SLC35A3: variants seen among roughly 807,000 people sequenced by gnomAD.
SLC35A3 encodes the protein UDP-N-acetylglucosamine transporter.
In SLC35A3, 26 loss-of-function variants were observed where a neutral mutation model predicts 39.0. The ratio of observed to expected loss-of-function variants is 0.67; its 90% confidence interval spans 0.49 to 0.92. The LOEUF (loss-of-function observed/expected upper bound fraction) is 0.92. Ranked by LOEUF, SLC35A3 falls within the 40% of genes least tolerant of loss-of-function variation. The pLI is 0.00. For missense variants in SLC35A3, 299 were observed against 371.6 expected, an observed-to-expected ratio of 0.80 and a Z score of 1.61; for synonymous variants, 135 against 133.1, an observed-to-expected ratio of 1.01 and a Z score of -0.10.
At chr1:100,010,206 T>C (rs1485381377) in intron 4 of SLC35A3, among the ~76,000 whole-genome samples, 1 of 151,994 alleles carries the variant, frequency 6.6e-6, no homozygotes, top group Non-Finnish European at 1.5e-5. Context: ...ATATAAAGAT[T>C]GGAGGAGAGA....
At chr1:99,979,577 G>T (rs1463924450) in intron 1 of SLC35A3, among the ~76,000 whole-genome samples, 1 of 151,186 alleles carries the variant, frequency 6.6e-6, no homozygotes, top group African/African-American at 2.4e-5. Context: ...GGGACTACAG[G>T]CGCCCGCCAC....
intron 6 of SLC35A3, 90 bp downstream of exon 6, chr1:100,015,510 G>A: frequency 1.5e-6 from 2 of 1,350,152 alleles, no homozygotes; most frequent in Admixed American, 2.7e-5. Context: ...GATGTGAGGG[G>A]GAAAAGGTCC....
intron 2 of SLC35A3, 72 bp from the exon 3 acceptor site, chr1:99,999,189 G>T: frequency 1.1e-6 from 1 of 947,780 alleles, no homozygotes; most frequent in South Asian, 3.1e-5. Context: ...TTAGAAAATT[G>T]AGATCTTGAG....
Position 100,011,437 on chromosome 1 carries a change from C to A in SLC35A3, c.538C>A (p.Leu180Ile). ...GSQFVGLMAV[L>I]TACFSSGFAG... ...TCAATTTGTAGGACTCATGGCAGTT[C>A]TCACAGCATGTTTTTCAAGTGGCTT... Residue 180 changes from leucine (L) to isoleucine (I), a missense_variant, in exon 5 of 8, where the codon CTC (leucine) becomes ATC (isoleucine). Physicochemically the swap from Leu to Ile is conservative, Grantham distance 5 (BLOSUM62 2). Transcript: ENST00000533028. The A allele has an allele frequency of 1.9e-6, 3 of 1,583,986 alleles. No homozygotes were observed. The highest frequency in any genetic ancestry group is 2.6e-6 in the Non-Finnish European group (3 of 1,159,180).
rs1211110295 is a variant in SLC35A3 at position 100,007,065 on chromosome 1, C to T, written c.374C>T (p.Ala125Val). 1 of 1,609,174 alleles carries T rather than the reference C, an allele frequency of 6.2e-7. No homozygotes were observed. The highest frequency in any genetic ancestry group is 8.5e-7 in the Non-Finnish European group (1 of 1,178,456). ...TATCAGTTAAAAATTCTTACAACAG[C>T]ATTATTTTCTGTGTCTATGCTTAGT... is the stretch of plus-strand genomic sequence containing the variant. ...VTYQLKILTT[A>V]LFSVSMLSKK... The change falls in exon 4 of 8, where the codon GCA becomes GTA. Residue 125 changes from alanine (A) to valine (V), a missense_variant. Ala to Val is a moderately conservative substitution (Grantham distance 64). Coordinates refer to ENST00000533028, the MANE Select transcript of SLC35A3 (RefSeq NM_012243.3).
At chr1:99,982,504 G>T (rs1395420279) in intron 1 of SLC35A3, among the ~76,000 whole-genome samples, 1 of 152,036 alleles carries the variant, frequency 6.6e-6, no homozygotes, top group Non-Finnish European at 1.5e-5. Flanking sequence ...ATTTAGACCT[G>T]TAAAGTAACT....
At chr1:99,991,611 A>T (rs1174316531) in intron 1 of SLC35A3, among the ~76,000 whole-genome samples, 1 of 152,236 alleles carries the variant, frequency 6.6e-6, no homozygotes, top group Non-Finnish European at 1.5e-5. Context: ...TTACCAAAAA[A>T]GCCTACAGCG....
chr1:100,021,296 G>A (rs1156634302), intron 7 of SLC35A3, among the ~76,000 whole-genome samples: 3 of 151,152 alleles, frequency 2.0e-5, no homozygotes, highest in Non-Finnish European at 4.4e-5. Flanking sequence ...CCTGGGAGGC[G>A]GAGGTTGCAG....
rs1661019083 is a variant in SLC35A3 at position 100,028,203 on chromosome 1, T to G, written c.*5727T>G. On this transcript the variant is annotated 3_prime_UTR_variant, in exon 8 of 8. Coordinates refer to ENST00000533028, the MANE Select transcript of SLC35A3 (RefSeq NM_012243.3). ...ATCCGCCTGCCTCGGCCTCCCAAAG[T>G]GCTGGGTTTACAGGCGTGAGCCGCT... is the stretch of plus-strand genomic sequence containing the variant. The G allele has an allele frequency of 6.6e-6, 1 of 152,422 alleles. No homozygotes were observed. Among genetic ancestry groups the G allele is most frequent in the Non-Finnish European group, 1.5e-5 (1 of 68,298 alleles). The allele number at this position is 152,422 out of a possible 1,614,324, so 9.4% of individuals were successfully genotyped here.
At position 99,984,592 on chromosome 1, in the gene SLC35A3, G is replaced by C. The variant is rs114884841; in HGVS notation, c.-18-8945G>C. On this transcript the variant is annotated intron_variant, in intron 1 of 7. Transcript: ENST00000533028. ...ATAATGACTTCTTTTCCTCTGTCTA[G>C]ATACCTAGTAGCAGGATTGCTGGAT... 2.9e-3 allele frequency among the ~76,000 whole-genome samples: 445 copies of C among 152,250 alleles called. 3 individuals are homozygous for C. Among genetic ancestry groups the C allele is most frequent in the African/African-American group, 0.01 (430 of 41,554 alleles).
intron 3 of SLC35A3, among the ~76,000 whole-genome samples, chr1:100,004,657 T>C (rs1659073444): frequency 6.6e-6 from 1 of 152,120 alleles, no homozygotes; most frequent in Non-Finnish European, 1.5e-5. Context: ...GGAAAGACTT[T>C]ATCTCTCATT....
intron 1 of SLC35A3, among the ~76,000 whole-genome samples, chr1:99,972,331 C>CTTTTT (rs761559206): frequency 2.3e-5 from 3 of 132,016 alleles, no homozygotes; most frequent in African/African-American, 8.8e-5. Flanking sequence ...GTACTTACTA[C>CTTTTT]TTTTTTTTTT....
In SLC35A3 at chr1:100,034,758, A is replaced by T. The variant is rs1661406197; in HGVS notation, c.*12282A>T. On this transcript the variant is annotated 3_prime_UTR_variant, in exon 8 of 8. Transcript: ENST00000533028. ...GGGTGGGATTTGGATTCTGTGATAC[A>T]ATCTTGTTTCTTTAGGAATCTTTTA... is the stretch of plus-strand genomic sequence containing the variant. The T allele has an allele frequency of 6.6e-6, 1 of 152,130 alleles. No homozygotes were observed. The highest frequency in any genetic ancestry group is 1.5e-5 in the Non-Finnish European group (1 of 68,040). The allele number at this position is 152,130 out of a possible 1,614,324, so 9.4% of individuals were successfully genotyped here.
At chr1:99,993,395 G>GT (rs903664473) in intron 1 of SLC35A3, 142 bp from the exon 2 acceptor site, 4,409 of 589,488 alleles carry the variant, frequency 7.5e-3, no homozygotes, top group Middle Eastern at 9.4e-3. Flanking sequence ...CTTGGTTTCT[G>GT]TTTTTTTTTC....
Position 99,993,523 on chromosome 1 carries a change from A to G in SLC35A3, c.-18-14A>G, listed in dbSNP as rs1658211214. The G allele has an allele frequency of 6.2e-7, 1 of 1,606,524 alleles. No individual in the cohort carries two copies. The highest frequency in any genetic ancestry group is 2.2e-5 in the East Asian group (1 of 44,736). On this transcript the variant is annotated splice_polypyrimidine_tract_variant and intron_variant, in intron 1 of 7. Coordinates refer to ENST00000533028, the MANE Select transcript of SLC35A3 (RefSeq NM_012243.3). ...GTAATCTTATTTATTTGCCCTGTTT[A>G]TTTTGTTTTTCAGGCAAATGAAGAT...
rs1051268862 is a variant in SLC35A3 at position 100,031,136 on chromosome 1, T to A, written c.*8660T>A. On this transcript the variant is annotated 3_prime_UTR_variant, in exon 8 of 8. Coordinates refer to ENST00000533028, the MANE Select transcript of SLC35A3 (RefSeq NM_012243.3). ...AATATTGCCATTTTAATGGCTTCAA[T>A]CATGCTATGACAGATTGTGCCAATT... 6.6e-6 allele frequency: 1 copy of A among 152,238 alleles called. No homozygotes were observed. Among genetic ancestry groups the A allele is most frequent in the African/African-American group, 2.4e-5 (1 of 41,464 alleles). The allele number at this position is 152,238 out of a possible 1,614,324, so 9.4% of individuals were successfully genotyped here. A position where few individuals can be genotyped will look rare whatever the true frequency, so the allele number is the denominator to read the frequency against.
Position 100,015,397 on chromosome 1 carries a change from A to C in SLC35A3, c.730A>C (p.Thr244Pro), listed in dbSNP as rs1165771280. The change falls in exon 6 of 8, where the codon ACC becomes CCC. Residue 244 changes from threonine to proline, a missense_variant. Coordinates refer to ENST00000533028, the MANE Select transcript of SLC35A3 (RefSeq NM_012243.3). ...ATTTTTTCAGGGATATAACCGACTG[A>C]CCTGGATAGTAGTTGTTCTTCAGGT... ...NGFFQGYNRL[T>P]WIVVVLQALG... The C allele has an allele frequency of 6.2e-7, 1 of 1,611,936 alleles. No homozygotes were observed. The highest frequency in any genetic ancestry group is 8.5e-7 in the Non-Finnish European group (1 of 1,179,340).
rs1332802424 is a variant in SLC35A3, at chr1:100,022,935, A to G, written c.*459A>G. ...TACCTATAAAGCTGTGAAAAATAGA[A>G]GTATAATTTGAAAAAACATTTCACT... On this transcript the variant is annotated 3_prime_UTR_variant, in exon 8 of 8. Coordinates refer to ENST00000533028, the MANE Select transcript of SLC35A3 (RefSeq NM_012243.3). 1 of 152,678 alleles carries G rather than the reference A, an allele frequency of 6.5e-6. No homozygotes were observed. The highest frequency in any genetic ancestry group is 1.5e-5 in the Non-Finnish European group (1 of 68,044). The allele number at this position is 152,678 out of a possible 1,614,324, so 9.5% of individuals were successfully genotyped here.
At chr1:100,004,254 T>A (rs999598438) in intron 3 of SLC35A3, among the ~76,000 whole-genome samples, 4 of 152,238 alleles carry the variant, frequency 2.6e-5, no homozygotes, top group African/African-American at 9.6e-5. Flanking sequence ...TGCTTTCTTG[T>A]GTTTTTATCA....
Sources: gnomAD v4.1 joint callset for allele counts (sites outside exome capture counted in the v4.1 genomes callset) on GRCh38, gnomAD v4.1.1 for gene constraint, MANE v1.5 for transcripts, NCBI Gene and HGNC (gene_info 2026-07-23, HGNC 2026-07-21) for gene names.